The following PXDNL variants were observed in gnomAD, a reference collection of about 807,000 sequenced individuals.
The protein encoded by PXDNL is probable oxidoreductase PXDNL.
In PXDNL, 145 loss-of-function variants were observed where a neutral mutation model predicts 150.8. The observed-to-expected ratio is 0.96, with a 90% CI of 0.84 to 1.10. The LOEUF (loss-of-function observed/expected upper bound fraction) is 1.10. Ranked by LOEUF, PXDNL falls within the 50% of genes least tolerant of loss-of-function variation. PXDNL has a pLI of 0.00. For missense variants in PXDNL, 2,087 were observed against 1,873.9 expected (o/e 1.11, Z -2.10); for synonymous variants, 757 against 725.7 (o/e 1.04, Z -0.69).
intron 1 of PXDNL, among the ~76,000 whole-genome samples, chr8:51,664,797 T>A (rs532548001): frequency 2.6e-5 from 4 of 152,186 alleles, no homozygotes; most frequent in African/African-American, 9.6e-5. Context: ...GCTGAGCCTG[T>A]CTGCATGGCT....
chr8:51,703,154 T>C (rs1203007742), intron 1 of PXDNL, among the ~76,000 whole-genome samples: 1 of 152,190 alleles, frequency 6.6e-6, no homozygotes, highest in African/African-American at 2.4e-5. Context: ...CATTAATCTT[T>C]TAGTTTTCAG....
At chr8:51,471,263 G>A (rs1415515536) in intron 8 of PXDNL, among the ~76,000 whole-genome samples, 5 of 151,798 alleles carry the variant, frequency 3.3e-5, no homozygotes, top group African/African-American at 4.8e-5. Context: ...TTAGAGAAAA[G>A]CAAATCAAAA....
intron 2 of PXDNL, among the ~76,000 whole-genome samples, chr8:51,631,586 G>A (rs1204385771): frequency 6.6e-6 from 1 of 152,066 alleles, no homozygotes; most frequent in East Asian, 1.9e-4. Flanking sequence ...AAACAATACA[G>A]AGAAGTGAAA....
chr8:51,350,741 G>A (rs11782525), intron 19 of PXDNL, among the ~76,000 whole-genome samples: 9,798 of 152,156 alleles, frequency 0.064, 762 homozygotes, highest in African/African-American at 0.19. Context: ...ATGTTGGATG[G>A]ACTTGGCTCT....
chr8:51,645,825 C>T (rs950919429), intron 2 of PXDNL, among the ~76,000 whole-genome samples: 60 of 152,196 alleles, frequency 3.9e-4, no homozygotes, highest in African/African-American at 1.2e-3. Flanking sequence ...CAGACAGTTA[C>T]GTGAAATCGC....
rs570782593 is a variant in PXDNL, at chr8:51,543,655, T to A, written c.380+13185A>T. 5.7e-5 allele frequency among the ~76,000 whole-genome samples: 8 copies of A among 139,132 alleles called. No individual in the cohort carries two copies. In the South Asian group the frequency reaches 1.8e-3, roughly 31 times the overall value. 91.3% of individuals were successfully genotyped at this position (139,132 alleles called of 152,430 possible). ...TGAATCTGGGAGGTGGAGGTCACAGTGAGTCGAGATCACGCCATTGCACTC... is the reference window on the plus strand; with the variant it reads ...TGAATCTGGGAGGTGGAGGTCACAGAGAGTCGAGATCACGCCATTGCACTC... On this transcript the variant is annotated intron_variant, in intron 4 of 22. Transcript: ENST00000356297.
At chr8:51,427,007 C>T (rs1809122777) in intron 12 of PXDNL, among the ~76,000 whole-genome samples, 1 of 152,188 alleles carries the variant, frequency 6.6e-6, no homozygotes, top group Non-Finnish European at 1.5e-5. Flanking sequence ...GTATTTTTAA[C>T]ATGCATCTCT....
chr8:51,385,640 A>T (rs1399709542), intron 17 of PXDNL, among the ~76,000 whole-genome samples: 1 of 152,218 alleles, frequency 6.6e-6, no homozygotes, highest in Non-Finnish European at 1.5e-5. Flanking sequence ...TTTTTATACC[A>T]TGTGATATGG....
Position 51,411,395 on chromosome 8 carries a change from G to T in PXDNL, c.1917C>A (p.Thr639=). 1 of 1,570,860 alleles carries T rather than the reference G, an allele frequency of 6.4e-7. No individual in the cohort carries two copies. The highest frequency in any genetic ancestry group is 8.6e-7 in the Non-Finnish European group (1 of 1,164,980). ...RRHLFSQKPH[T]SSDLLAQFHY... is the part of the protein sequence containing the mutation. Reference sequence around the variant, plus strand: ...GAAATTGAGCCAGCAGGTCACTGGAGGTGTGAGGTTTTCTGCAAATGACAA... The same window carrying T: ...GAAATTGAGCCAGCAGGTCACTGGATGTGTGAGGTTTTCTGCAAATGACAA... The change falls in exon 16 of 23, where the codon ACC becomes ACA. Residue 639 remains threonine (T), a synonymous_variant. Coordinates refer to ENST00000356297, the MANE Select transcript of PXDNL (RefSeq NM_144651.5).
At chr8:51,512,111 G>T (rs573620182) in intron 4 of PXDNL, among the ~76,000 whole-genome samples, 4 of 152,286 alleles carry the variant, frequency 2.6e-5, no homozygotes, top group African/African-American at 9.6e-5. Context: ...CAAGTGGGCA[G>T]GTGTGCACAA....
At chr8:51,806,374 G>A (rs1243957676) in intron 1 of PXDNL, among the ~76,000 whole-genome samples, 3 of 152,068 alleles carry the variant, frequency 2.0e-5, no homozygotes, top group Non-Finnish European at 2.9e-5. Flanking sequence ...ACATAAGGGC[G>A]GTTTAACAAA....
rs76057695 is a variant in PXDNL at position 51,428,630 on chromosome 8, C to T, written c.1526-1872G>A. ...AGTTCACTGGAAGCCTTTCAACCAA[C>T]GGTAAAATAGCAAATGGATAACCAT... On this transcript the variant is annotated intron_variant, in intron 12 of 22. Coordinates refer to ENST00000356297, the MANE Select transcript of PXDNL (RefSeq NM_144651.5). 6.8e-3 allele frequency among the ~76,000 whole-genome samples: 1,035 copies of T among 152,222 alleles called. 12 individuals carry two copies. Among genetic ancestry groups the T allele is most frequent in the African/African-American group, 0.023 (962 of 41,530 alleles).
At chr8:51,414,336 G>A (rs1004565793) in intron 14 of PXDNL, among the ~76,000 whole-genome samples, 4 of 151,428 alleles carry the variant, frequency 2.6e-5, no homozygotes, top group Non-Finnish European at 2.9e-5. Context: ...TGTATATTAT[G>A]ACCATCTATA....
chr8:51,411,401 A>G lies in PXDNL; in HGVS notation c.1911T>C (p.Pro637=). ...STRRHLFSQK[P]HTSSDLLAQF... ...GAGCCAGCAGGTCACTGGAGGTGTGAGGTTTTCTGCAAATGACAAAACACA... is the reference window on the plus strand; with the variant it reads ...GAGCCAGCAGGTCACTGGAGGTGTGGGGTTTTCTGCAAATGACAAAACACA... The change falls in exon 16 of 23, where the codon CCT becomes CCC. Residue 637 remains proline (P), a synonymous_variant. Coordinates refer to ENST00000356297, the MANE Select transcript of PXDNL (RefSeq NM_144651.5). 1 of 1,573,370 alleles carries G rather than the reference A, an allele frequency of 6.4e-7. No individual in the cohort carries two copies. Among genetic ancestry groups the G allele is most frequent in the Non-Finnish European group, 8.6e-7 (1 of 1,165,884 alleles).
intron 2 of PXDNL, among the ~76,000 whole-genome samples, chr8:51,599,690 T>C (rs1247310504): frequency 8.0e-6 from 1 of 124,314 alleles, no homozygotes; most frequent in Non-Finnish European, 1.8e-5. Flanking sequence ...ATTTATATAA[T>C]AAATTATATC....
intron 2 of PXDNL, among the ~76,000 whole-genome samples, chr8:51,617,151 C>T (rs898600081): frequency 1.3e-5 from 2 of 152,094 alleles, no homozygotes; most frequent in East Asian, 3.9e-4. Context: ...ACACAATTCG[C>T]CAATTTGTCA....
intron 1 of PXDNL, among the ~76,000 whole-genome samples, chr8:51,778,645 T>G (rs1426893144): frequency 6.6e-6 from 1 of 152,168 alleles, no homozygotes; most frequent in Non-Finnish European, 1.5e-5. Context: ...TTGCCCAAAA[T>G]GACAGGACTG....
rs556723427 is a variant in PXDNL at position 51,371,921 on chromosome 8, T to C, written c.3853A>G (p.Ser1285Gly). Residue 1285 changes from serine to glycine, a missense_variant, in exon 19 of 23, where the codon AGC becomes GGC. Ser to Gly is a moderately conservative substitution (Grantham distance 56, BLOSUM62 0). Coordinates refer to ENST00000356297, the MANE Select transcript of PXDNL (RefSeq NM_144651.5). ...CGCAGGTCCACCTTCGGGATCTCGC[T>C]GCAGTTCAGGTAATCCTGTGGGTAT... The part of the protein sequence containing the change: ...AEYPQDYLNC[S>G]EIPKVDLRVW... 6.2e-7 allele frequency: 1 copy of C among 1,614,016 alleles called. No homozygotes were observed. The highest frequency in any genetic ancestry group is 8.5e-7 in the Non-Finnish European group (1 of 1,179,906).
At chr8:51,399,511 T>C (rs1808182194) in intron 17 of PXDNL, among the ~76,000 whole-genome samples, 1 of 152,198 alleles carries the variant, frequency 6.6e-6, no homozygotes, top group South Asian at 2.1e-4. Context: ...TATGTGAAGT[T>C]CTAGAAGAGA....
Sources: gnomAD v4.1 joint callset for allele counts (sites outside exome capture counted in the v4.1 genomes callset) on GRCh38, gnomAD v4.1.1 for gene constraint, MANE v1.5 for transcripts, NCBI Gene and HGNC (gene_info 2026-07-23, HGNC 2026-07-21) for gene names.